ZFPM2: variants seen among roughly 807,000 people sequenced by gnomAD.
ZFPM2 encodes the protein zinc finger protein ZFPM2.
ZFPM2 carries 20 observed loss-of-function variants against 98.6 expected under a neutral mutation model. The ratio of observed to expected loss-of-function variants is 0.20; its 90% CI spans 0.14 to 0.29. ZFPM2 has a LOEUF of 0.29. Among genes scored for constraint, ZFPM2 ranks in the 10% least tolerant of loss-of-function variants. The pLI is 1.00. For synonymous variants in ZFPM2, 518 were observed against 502.7 expected, an observed-to-expected ratio of 1.03 and a Z score of -0.41; for missense variants, 1,310 against 1,388.6, an observed-to-expected ratio of 0.94 and a Z score of 0.90.
At chr8:105,359,806 T>G (rs1203869806) in intron 1 of ZFPM2, among the ~76,000 whole-genome samples, 1 of 152,260 alleles carries the variant, frequency 6.6e-6, no homozygotes, top group African/African-American at 2.4e-5. Context: ...ACTGACATTT[T>G]GAATCCAATT....
chr8:105,463,509 C>G (rs1812741074), intron 3 of ZFPM2, among the ~76,000 whole-genome samples: 1 of 151,828 alleles, frequency 6.6e-6, no homozygotes. Context: ...AATAGCAATG[C>G]TGGATTAAAA....
intron 3 of ZFPM2, among the ~76,000 whole-genome samples, chr8:105,461,789 G>A (rs770353784): frequency 1.3e-5 from 2 of 152,086 alleles, no homozygotes; most frequent in East Asian, 1.9e-4. Flanking sequence ...ATAACTTTAG[G>A]GGTACTATTC....
At chr8:105,571,224 TA>T (rs1373800266) in intron 4 of ZFPM2, among the ~76,000 whole-genome samples, 4 of 152,200 alleles carry the variant, frequency 2.6e-5, no homozygotes, top group Admixed American at 1.3e-4. Flanking sequence ...TGAATTTTCT[TA>T]ATGCAGATTT....
chr8:105,583,767 G>A (rs1815653189), intron 4 of ZFPM2, among the ~76,000 whole-genome samples: 1 of 152,136 alleles, frequency 6.6e-6, no homozygotes, highest in East Asian at 1.9e-4. Flanking sequence ...ATGCCGGCTA[G>A]GAGAAAAGGA....
At chr8:105,655,223 CTTTTTT>C (rs34262627) in intron 5 of ZFPM2, among the ~76,000 whole-genome samples, 4 of 76,088 alleles carry the variant, frequency 5.3e-5, no homozygotes, top group Non-Finnish European at 9.9e-5. Flanking sequence ...TGCATTGAGT[CTTTTTT>C]TTTTTTTTTT....
intron 3 of ZFPM2, among the ~76,000 whole-genome samples, chr8:105,501,863 A>G (rs6993681): frequency 0.37 from 55,883 of 151,996 alleles, 12,134 homozygotes; most frequent in African/African-American, 0.61. Context: ...AGAATCTCCT[A>G]TATCTCTTTG....
At position 105,673,203 on chromosome 8, in the gene ZFPM2, T is replaced by TC. The variant is rs537099411; in HGVS notation, c.532+38846_532+38847insC. ...AATAGCATGCTTTTTTTTTTTTTTT[T>TC]TTTTACCGATCGTACTTACTTATAT... On this transcript the variant is annotated intron_variant, in intron 5 of 7. Transcript: ENST00000407775. Among the ~76,000 whole-genome samples the TC allele has an allele frequency of 5.3e-3, 792 of 149,650 alleles. 4 individuals carry two copies. The highest frequency in any genetic ancestry group is 8.3e-3 in the Non-Finnish European group (559 of 67,374).
chr8:105,666,026 G>T (rs1817482037), intron 5 of ZFPM2, among the ~76,000 whole-genome samples: 1 of 152,072 alleles, frequency 6.6e-6, no homozygotes, highest in Non-Finnish European at 1.5e-5. Context: ...ATTGTTATTT[G>T]AGTTGATATT....
intron 1 of ZFPM2, 97 bp downstream of exon 1, chr8:105,319,078 A>C: frequency 7.4e-7 from 1 of 1,360,498 alleles, no homozygotes; most frequent in South Asian, 1.6e-5. Context: ...GGGCTAGGGG[A>C]GATCCGCTCC....
chr8:105,768,802 G>A (rs149457902), intron 5 of ZFPM2, among the ~76,000 whole-genome samples: 36 of 151,056 alleles, frequency 2.4e-4, no homozygotes, highest in African/African-American at 8.3e-4. Context: ...AAAAGTTACT[G>A]CCATGTGAAA....
At chr8:105,720,926 G>A (rs1045002257) in intron 5 of ZFPM2, among the ~76,000 whole-genome samples, 1 of 151,880 alleles carries the variant, frequency 6.6e-6, no homozygotes, top group African/African-American at 2.4e-5. Flanking sequence ...TAAAAGTAGG[G>A]TCTTGGGCCT....
At position 105,662,144 on chromosome 8, in the gene ZFPM2, T is replaced by G. The variant is rs80099782; in HGVS notation, c.532+27787T>G. On this transcript the variant is annotated intron_variant, in intron 5 of 7. Coordinates refer to ENST00000407775, the MANE Select transcript of ZFPM2 (RefSeq NM_012082.4). ...CGCGTGATGGAGGAGGCAGGGAGGC[T>G]GGGCTCAGGAATGCGGAGGAACTGA... is the stretch of plus-strand genomic sequence containing the variant. 3.9e-5 allele frequency among the ~76,000 whole-genome samples: 6 copies of G among 152,220 alleles called. No homozygotes were observed. The East Asian group carries it at 1.2e-3, about 29-fold the overall frequency.
intron 6 of ZFPM2, chr8:105,796,679 T>TAAC (rs1364628862): frequency 6.6e-6 from 1 of 152,168 alleles, no homozygotes; most frequent in Non-Finnish European, 1.5e-5. Flanking sequence ...CAACCATAAA[T>TAAC]AACAGTTCAC....
chr8:105,329,159 G>A (rs1364798594), intron 1 of ZFPM2, among the ~76,000 whole-genome samples: 1 of 151,828 alleles, frequency 6.6e-6, no homozygotes, highest in African/African-American at 2.4e-5. Flanking sequence ...ATTGATGTCT[G>A]GCTTCCCCAC....
chr8:105,637,007 A>G (rs1286550794), intron 5 of ZFPM2, among the ~76,000 whole-genome samples: 1 of 152,206 alleles, frequency 6.6e-6, no homozygotes, highest in Non-Finnish European at 1.5e-5. Flanking sequence ...CTAATAAGTG[A>G]TTGAGTGGGA....
intron 3 of ZFPM2, among the ~76,000 whole-genome samples, chr8:105,480,884 G>A (rs1219587927): frequency 6.6e-6 from 1 of 151,764 alleles, no homozygotes; most frequent in African/African-American, 2.4e-5. Context: ...CCAAGTAGCT[G>A]GGACTATGGG....
chr8:105,397,967 T>C (rs1373692727), intron 1 of ZFPM2, among the ~76,000 whole-genome samples: 1 of 152,128 alleles, frequency 6.6e-6, no homozygotes, highest in Admixed American at 6.5e-5. Flanking sequence ...CAGATCCTCA[T>C]GGGCCACAGA....
chr8:105,569,953 G>C (rs535807936), intron 4 of ZFPM2, among the ~76,000 whole-genome samples: 1 of 152,140 alleles, frequency 6.6e-6, no homozygotes, highest in African/African-American at 2.4e-5. Flanking sequence ...TGTTCCAAGA[G>C]AAGACAAATG....
At chr8:105,407,024 A>G (rs1206912851) in intron 1 of ZFPM2, among the ~76,000 whole-genome samples, 1 of 151,650 alleles carries the variant, frequency 6.6e-6, no homozygotes, top group African/African-American at 2.4e-5. Flanking sequence ...CAACAGGTGA[A>G]TGAGTATTTC....
Sources: gnomAD v4.1 joint callset for allele counts (sites outside exome capture counted in the v4.1 genomes callset) on GRCh38, gnomAD v4.1.1 for gene constraint, MANE v1.5 for transcripts, NCBI Gene and HGNC (gene_info 2026-07-23, HGNC 2026-07-21) for gene names.